The following R3HDM1 variants were observed in gnomAD, a reference collection of about 807,000 sequenced individuals.
R3HDM1 encodes the protein R3H domain-containing protein 1.
Under a neutral mutation model 141.1 loss-of-function variants are expected in R3HDM1, and 46 were observed. The ratio of observed to expected loss-of-function variants is 0.33; its 90% CI spans 0.26 to 0.42. R3HDM1 has a LOEUF of 0.42. Ranked by LOEUF, R3HDM1 falls within the 10% of genes least tolerant of loss-of-function variation. The pLI is 1.00. For missense variants in R3HDM1, 1,184 were observed against 1,368.3 expected (o/e 0.87, Z 2.12); for synonymous variants, 435 against 472.9 (o/e 0.92, Z 1.04).
intron 1 of R3HDM1, 151 bp downstream of exon 1, chr2:135,531,784 G>A (rs1266525591): frequency 1.0e-6 from 1 of 985,248 alleles, no homozygotes; most frequent in African/African-American, 1.7e-5. Flanking sequence ...CCGCCGGGTC[G>A]TCGGCGCTTC....
At chr2:135,622,477 T>C in intron 6 of R3HDM1, 177 bp from the exon 7 acceptor site, 1 of 984,274 alleles carries the variant, frequency 1.0e-6, no homozygotes, top group Non-Finnish European at 1.2e-6. Flanking sequence ...ATGCACATTA[T>C]ATGGGAATAG....
At chr2:135,632,618 A>T (rs1048619599) in intron 9 of R3HDM1, among the ~76,000 whole-genome samples, 1 of 152,214 alleles carries the variant, frequency 6.6e-6, no homozygotes, top group Admixed American at 6.5e-5. Context: ...AGAAGACCCA[A>T]TGCAGAGGCA....
At chr2:135,552,854 G>A (rs1423767558) in intron 1 of R3HDM1, among the ~76,000 whole-genome samples, 1 of 152,056 alleles carries the variant, frequency 6.6e-6, no homozygotes, top group African/African-American at 2.4e-5. Context: ...GGAACAGTTT[G>A]ATAGGTAGTT....
intron 1 of R3HDM1, 86 bp downstream of exon 1, chr2:135,531,719 A>G: frequency 2.0e-6 from 2 of 985,882 alleles, no homozygotes; most frequent in Non-Finnish European, 2.4e-6. Flanking sequence ...CGGTAGCGCT[A>G]ACGGAGAAGG....
Position 135,546,028 on chromosome 2 carries a change from A to C in R3HDM1, c.-250+14395A>C, listed in dbSNP as rs548519412. Among the ~76,000 whole-genome samples the C allele has an allele frequency of 5.6e-4, 85 of 152,306 alleles. 1 individual carries two copies. The highest frequency in any genetic ancestry group is 8.8e-5 in the Non-Finnish European group (6 of 68,036). On this transcript the variant is annotated intron_variant, in intron 1 of 26. Coordinates refer to ENST00000683871, the MANE Select transcript of R3HDM1 (RefSeq NM_001378107.1). The stretch of plus-strand genomic sequence containing the variant: ...CTTCCAGGGGATATCAGAATAGGGG[A>C]AGAGGAGATGCCTGGCTCATGCCTT...
intron 19 of R3HDM1, among the ~76,000 whole-genome samples, chr2:135,671,948 C>G (rs2105334455): frequency 6.6e-6 from 1 of 151,714 alleles, no homozygotes; most frequent in African/African-American, 2.4e-5. Context: ...TGCACTCCAA[C>G]CTGGCCGATA....
chr2:135,657,383 C>A (rs1171391104), intron 18 of R3HDM1, among the ~76,000 whole-genome samples: 3 of 150,094 alleles, frequency 2.0e-5, no homozygotes, highest in Non-Finnish European at 4.4e-5. Context: ...TTCACTCCAG[C>A]CTGGGAGACA....
rs1358503403 is a variant in R3HDM1 at position 135,531,504 on chromosome 2, C to A, written c.-379C>A. The A allele has an allele frequency of 7.1e-6, 7 of 985,462 alleles. No homozygotes were observed. The South Asian group carries it at 1.4e-4, about 20-fold the overall frequency. 61.0% of individuals were successfully genotyped at this position (985,462 alleles called of 1,614,324 possible). A position where few individuals can be genotyped will look rare whatever the true frequency, so the allele number is the denominator to read the frequency against. On this transcript the variant is annotated 5_prime_UTR_variant, in exon 1 of 27. Coordinates refer to ENST00000683871, the MANE Select transcript of R3HDM1 (RefSeq NM_001378107.1). ...GCGGGATTCTGCCAGCCGCGGCTGC[C>A]GCTGGAGCCGGTGTCCGGGCTGGTG...
intron 18 of R3HDM1, among the ~76,000 whole-genome samples, chr2:135,660,839 C>A (rs2066603794): frequency 7.0e-6 from 1 of 142,754 alleles, no homozygotes; most frequent in South Asian, 2.3e-4. Flanking sequence ...GAATGAGACT[C>A]CACCTCAAAA....
rs796155089 is a variant in R3HDM1, at chr2:135,599,283, A to AT, written c.-249-3207dup. ...AATAAATAGCATGTTGACAATTAGA[A>AT]TTTTTTTTTTGAAGTTGAATATGAA... On this transcript the variant is annotated intron_variant, in intron 1 of 26. Coordinates refer to ENST00000683871, the MANE Select transcript of R3HDM1 (RefSeq NM_001378107.1). Among the ~76,000 whole-genome samples, 365 of 150,378 alleles carry AT rather than the reference A, an allele frequency of 2.4e-3. 4 individuals are homozygous for AT. The highest frequency in any genetic ancestry group is 8.1e-3 in the African/African-American group (334 of 41,070).
chr2:135,679,937 A>G (rs313517), intron 20 of R3HDM1, among the ~76,000 whole-genome samples: 74,615 of 151,910 alleles, frequency 0.49, 23,022 homozygotes, highest in East Asian at 0.88. Flanking sequence ...AAAATTAGCC[A>G]GGCATGGTAG....
chr2:135,597,128 T>G lies in R3HDM1; in HGVS notation c.-249-5372T>G, dbSNP rs550737286. The G allele has an allele frequency of 1.2e-4, 113 of 978,616 alleles. No individual in the cohort carries two copies. In the African/African-American group the frequency reaches 1.9e-3, roughly 16 times the overall value. 60.6% of individuals were successfully genotyped at this position (978,616 alleles called of 1,614,324 possible). On this transcript the variant is annotated intron_variant, in intron 1 of 26. Coordinates refer to ENST00000683871, the MANE Select transcript of R3HDM1 (RefSeq NM_001378107.1). Reference sequence around the variant, plus strand: ...ATATAGTCTTACAAGACTCCACTAATTATTCTCTCTCATTCTTCAACTACC... The same window carrying G: ...ATATAGTCTTACAAGACTCCACTAAGTATTCTCTCTCATTCTTCAACTACC...
rs1437074058 is a variant in R3HDM1, at chr2:135,668,004, G to A, written c.2152+6611G>A. 4.6e-5 allele frequency among the ~76,000 whole-genome samples: 7 copies of A among 152,260 alleles called. No individual in the cohort carries two copies. In the East Asian group the frequency reaches 1.3e-3, roughly 29 times the overall value. The stretch of plus-strand genomic sequence containing the variant: ...CAGTTCAAGATGTAAATTTTATTAA[G>A]CAAATGTACATAATGTGAGGCATAC... On this transcript the variant is annotated intron_variant, in intron 19 of 26. Coordinates refer to ENST00000683871, the MANE Select transcript of R3HDM1 (RefSeq NM_001378107.1).
At position 135,683,410 on chromosome 2, in the gene R3HDM1, C is replaced by T. The variant is rs187314073; in HGVS notation, c.2459+3086C>T. On this transcript the variant is annotated intron_variant, in intron 21 of 26. Coordinates refer to ENST00000683871, the MANE Select transcript of R3HDM1 (RefSeq NM_001378107.1). ...CTCCACTAAAAATACAAAAATTAGC[C>T]GGGCGCGGTGGTGGGTGCCTGTAAT... Among the ~76,000 whole-genome samples the T allele has an allele frequency of 2.4e-3, 366 of 151,898 alleles. 3 individuals are homozygous for T. Among genetic ancestry groups the T allele is most frequent in the African/African-American group, 8.1e-3 (335 of 41,426 alleles).
chr2:135,570,026 A>G (rs553434190), intron 1 of R3HDM1, among the ~76,000 whole-genome samples: 31 of 152,262 alleles, frequency 2.0e-4, no homozygotes, highest in Admixed American at 1.2e-3. Flanking sequence ...ATGCCCGGCC[A>G]GTAAGCTCTT....
At chr2:135,669,828 G>C (rs1393440815) in intron 19 of R3HDM1, among the ~76,000 whole-genome samples, 2 of 152,166 alleles carry the variant, frequency 1.3e-5, no homozygotes, top group Non-Finnish European at 2.9e-5. Context: ...AATATCATTT[G>C]AGGCTTAGGT....
At chr2:135,577,414 CAAAAAAAAAAAA>C (rs35038268) in intron 1 of R3HDM1, among the ~76,000 whole-genome samples, 17 of 15,798 alleles carry the variant, frequency 1.1e-3, no homozygotes, top group East Asian at 3.4e-3. Flanking sequence ...ATTAAATGAC[CAAAAAAAAAAAA>C]AAAAAAAAAA....
At chr2:135,553,659 T>C (rs1244577951) in intron 1 of R3HDM1, among the ~76,000 whole-genome samples, 1 of 152,238 alleles carries the variant, frequency 6.6e-6, no homozygotes, top group East Asian at 1.9e-4. Context: ...TATTCTGCTA[T>C]TCTGCTGAGG....
chr2:135,662,350 C>A (rs2066839394), intron 19 of R3HDM1, among the ~76,000 whole-genome samples: 1 of 152,178 alleles, frequency 6.6e-6, no homozygotes, highest in Non-Finnish European at 1.5e-5. Context: ...TCTGCACTGG[C>A]CCATCTGATG....
Sources: allele counts gnomAD v4.1 joint callset (sites outside exome capture counted in the v4.1 genomes callset), GRCh38; gene constraint gnomAD v4.1.1; transcripts MANE v1.5; gene names NCBI Gene and HGNC (gene_info 2026-07-23, HGNC 2026-07-21).